RASGRP4: variants seen among roughly 807,000 people sequenced by gnomAD.
The protein encoded by RASGRP4 is RAS guanyl-releasing protein 4.
A neutral mutation model predicts 84.4 loss-of-function variants in RASGRP4; 52 were observed. The observed-to-expected ratio is 0.62, with a 90% CI of 0.49 to 0.78. The LOEUF (loss-of-function observed/expected upper bound fraction) is 0.78. Ranked by LOEUF, RASGRP4 falls within the 30% of genes least tolerant of loss-of-function variation. The pLI is 0.00. For missense variants in RASGRP4, 760 were observed against 886.9 expected (o/e 0.86, Z 1.82); for synonymous variants, 356 against 359.1 (o/e 0.99, Z 0.10).
chr19:38,426,117 G>C lies in RASGRP4; in HGVS notation c.-26C>G. 7.6e-7 allele frequency: 1 copy of C among 1,319,316 alleles called. No individual in the cohort carries two copies. Among genetic ancestry groups the C allele is most frequent in the Middle Eastern group, 2.0e-4 (1 of 4,952 alleles). The allele number at this position is 1,319,316 out of a possible 1,614,324, so 81.7% of individuals were successfully genotyped here. A position where few individuals can be genotyped will look rare whatever the true frequency, so the allele number is the denominator to read the frequency against. ...GCTTCCCGCGTGGGGTGAGGAGGCC[G>C]GGGGTCTTGCAAGAGTAGGGCTCAG... On this transcript the variant is annotated 5_prime_UTR_variant, in exon 1 of 17. Coordinates refer to ENST00000615439, the MANE Select transcript of RASGRP4 (RefSeq NM_170604.3).
chr19:38,416,172 AT>A (rs1313387682), intron 8 of RASGRP4, among the ~76,000 whole-genome samples: 2 of 148,772 alleles, frequency 1.3e-5, no homozygotes, highest in Admixed American at 6.7e-5. Flanking sequence ...TTATTTTTAA[AT>A]TTTTTTTCAG....
chr19:38,422,321 T>A (rs918455413), intron 1 of RASGRP4, among the ~76,000 whole-genome samples, 168 bp from the exon 2 acceptor site: 1 of 152,182 alleles, frequency 6.6e-6, no homozygotes, highest in Non-Finnish European at 1.5e-5. Flanking sequence ...CCCAGGAATA[T>A]TCCAGATCCC....
At chr19:38,414,214 T>C (rs908223883) in intron 9 of RASGRP4, among the ~76,000 whole-genome samples, 32 of 152,168 alleles carry the variant, frequency 2.1e-4, no homozygotes, top group African/African-American at 7.7e-4. Flanking sequence ...CATGAGCCAC[T>C]GCGCCCGGCT....
At chr19:38,425,423 A>T (rs1377576166) in intron 1 of RASGRP4, among the ~76,000 whole-genome samples, 1 of 152,180 alleles carries the variant, frequency 6.6e-6, no homozygotes, top group Admixed American at 6.5e-5. Flanking sequence ...ACAGCTAGGA[A>T]ATTAGGCAGC....
intron 1 of RASGRP4, among the ~76,000 whole-genome samples, chr19:38,425,111 GGAGGCA>G (rs1328478510): frequency 6.6e-6 from 1 of 151,844 alleles, no homozygotes; most frequent in East Asian, 1.9e-4. Flanking sequence ...CTTGAACCCG[GGAGGCA>G]GAGGTTGCAG....
chr19:38,423,144 G>A (rs1430038735), intron 1 of RASGRP4, among the ~76,000 whole-genome samples: 3 of 152,118 alleles, frequency 2.0e-5, no homozygotes, highest in Non-Finnish European at 2.9e-5. Flanking sequence ...CAGAGGCATG[G>A]GAGGACCTGC....
chr19:38,415,440 T>A (rs946385505), intron 8 of RASGRP4, among the ~76,000 whole-genome samples: 1 of 150,302 alleles, frequency 6.7e-6, no homozygotes, highest in African/African-American at 2.5e-5. Flanking sequence ...TGGCGTGATC[T>A]CGGCTTACTG....
chr19:38,415,167 C>G (rs1267754519), intron 8 of RASGRP4, 44 bp from the exon 9 acceptor site: 1 of 1,514,800 alleles, frequency 6.6e-7, no homozygotes. Flanking sequence ...CAGGACAGTC[C>G]CATCCCCTGA....
At chr19:38,420,377 T>G (rs1452570333) in intron 4 of RASGRP4, 115 bp from the exon 5 acceptor site, 19 of 1,028,644 alleles carry the variant, frequency 1.8e-5, no homozygotes, top group East Asian at 7.2e-5. Flanking sequence ...TAAATGTGTG[T>G]GGGGGTCCCT....
rs201088850 is a variant in RASGRP4, at chr19:38,413,019, G to A, written c.1447C>T (p.Arg483Ter). Reference protein sequence around the residue: ...SVFKNYDPEGRGTISQEDFER... With the variant: ...SVFKNYDPEG ...AAGTCCTCCTGAGAGATTGTTCCTC[G>A]GCCTTCAGGGTCATAATTCTTGAAC... Residue 483 changes from arginine (R) to a stop codon, truncating the protein, a stop_gained, in exon 12 of 17, where the codon CGA becomes TGA. Transcript: ENST00000615439. LOFTEE classifies it high-confidence loss of function. This position sits in a 1 kb window ranked among gnomAD's most constrained non-coding sequence, Gnocchi z 4.7. 2.4e-5 allele frequency: 39 copies of A among 1,613,846 alleles called. No individual in the cohort carries two copies. Among genetic ancestry groups the A allele is most frequent in the Non-Finnish European group, 3.3e-5 (39 of 1,179,878 alleles).
chr19:38,417,033 G>A lies in RASGRP4; in HGVS notation c.954+19C>T. On this transcript the variant is annotated intron_variant, in intron 8 of 16. Coordinates refer to ENST00000615439, the MANE Select transcript of RASGRP4 (RefSeq NM_170604.3). The surrounding 1 kb of genome is among the most constrained non-coding windows in gnomAD (Gnocchi z 5.1). ...GACAGCTGACCACTTGGAGCTTTGGGGAGGGTAGTGGGATTCACCTTGGTG... is the reference window on the plus strand; with the variant it reads ...GACAGCTGACCACTTGGAGCTTTGGAGAGGGTAGTGGGATTCACCTTGGTG... 3 of 1,412,520 alleles carry A rather than the reference G, an allele frequency of 2.1e-6. No individual in the cohort carries two copies. The highest frequency in any genetic ancestry group is 2.5e-5 in the East Asian group (1 of 40,306). The allele number at this position is 1,412,520 out of a possible 1,614,324, so 87.5% of individuals were successfully genotyped here. A position where few individuals can be genotyped will look rare whatever the true frequency, so the allele number is the denominator to read the frequency against.
In RASGRP4 at chr19:38,410,968, G is replaced by C. The variant is rs755325515; in HGVS notation, c.1883C>G (p.Ser628Cys). The C allele has an allele frequency of 2.5e-6, 4 of 1,602,226 alleles. No homozygotes were observed. Among genetic ancestry groups the C allele is most frequent in the Non-Finnish European group, 3.4e-6 (4 of 1,174,544 alleles). Residue 628 changes from serine (S) to cysteine (C), a missense_variant, in exon 16 of 17, where the codon TCC becomes TGC. Ser to Cys is a moderately radical substitution (Grantham distance 112, BLOSUM62 -1). Coordinates refer to ENST00000615439, the MANE Select transcript of RASGRP4 (RefSeq NM_170604.3). ...GSEENHSYTL[S>C]LEPETGCQLR... ...CTGGCACCCAGTCTCAGGCTCCAGG[G>C]ATAGCGTGTAGGAGTGATTTTCCTC...
chr19:38,419,526 G>T (rs1403868608), intron 6 of RASGRP4, among the ~76,000 whole-genome samples: 1 of 152,138 alleles, frequency 6.6e-6, no homozygotes, highest in African/African-American at 2.4e-5. Context: ...TCCGCCTCCT[G>T]AGGTTCAAGT....
intron 1 of RASGRP4, among the ~76,000 whole-genome samples, chr19:38,425,688 C>A (rs970357930): frequency 6.6e-6 from 1 of 152,174 alleles, no homozygotes; most frequent in South Asian, 2.1e-4. Context: ...AGGGGAGTCG[C>A]CTTGCCCTGT....
In RASGRP4 at chr19:38,419,916, C is replaced by G. The variant is rs748156494; in HGVS notation, c.607G>C (p.Gly203Arg). The stretch of plus-strand genomic sequence containing the variant: ...TAGGTGAGGTGCTGAGCCAGCTCCC[C>G]CGTCTCCAAGTGGTCGAAAAGCAAG... ...VSLLFDHLETGELAQHLTYLE... is the reference protein window; with the variant it reads ...VSLLFDHLETRELAQHLTYLE... The change falls in exon 6 of 17, where the codon GGG becomes CGG. Residue 203 changes from glycine (G) to arginine (R), a missense_variant. By Grantham distance (125) the Gly-to-Arg change is moderately radical. Coordinates refer to ENST00000615439, the MANE Select transcript of RASGRP4 (RefSeq NM_170604.3). The G allele has an allele frequency of 1.2e-6, 2 of 1,612,298 alleles. No individual in the cohort carries two copies. The highest frequency in any genetic ancestry group is 1.7e-6 in the Non-Finnish European group (2 of 1,179,186).
intron 13 of RASGRP4, 191 bp from the exon 14 acceptor site, chr19:38,411,572 G>A (rs561722599): frequency 1.8e-5 from 11 of 608,094 alleles, no homozygotes; most frequent in African/African-American, 3.7e-5. Context: ...ACTTTGAGAC[G>A]CCAAGGTGGG....
chr19:38,416,801 C>T (rs1971520392), intron 8 of RASGRP4, among the ~76,000 whole-genome samples: 2 of 152,176 alleles, frequency 1.3e-5, no homozygotes, highest in Admixed American at 1.3e-4. Flanking sequence ...GCTAGCCTGT[C>T]TCCCATCTGT....
chr19:38,409,945 G>T lies in RASGRP4; in HGVS notation c.*95C>A. ...TGTGGATGGGAAGGCGGATGCCTCT[G>T]GAGGCCTACCTCTGGGAGCCCTGCC... On this transcript the variant is annotated 3_prime_UTR_variant, in exon 17 of 17. Transcript: ENST00000615439. The T allele has an allele frequency of 1.1e-6, 1 of 943,508 alleles. No individual in the cohort carries two copies. Among genetic ancestry groups the T allele is most frequent in the Non-Finnish European group, 1.6e-6 (1 of 613,562 alleles). 58.4% of individuals were successfully genotyped at this position (943,508 alleles called of 1,614,324 possible). A position where few individuals can be genotyped will look rare whatever the true frequency, so the allele number is the denominator to read the frequency against.
chr19:38,420,066 G>A (rs117166725), intron 5 of RASGRP4, 53 bp from the exon 6 acceptor site: 48,268 of 1,608,676 alleles, frequency 0.03, 1,031 homozygotes, highest in Non-Finnish European at 0.031. Context: ...GAGGGCTTGG[G>A]GATATAGAGG....
Sources: allele counts gnomAD v4.1 joint callset (sites outside exome capture counted in the v4.1 genomes callset), GRCh38; gene constraint gnomAD v4.1.1; non-coding constraint Gnocchi (gnomAD v3.1); transcripts MANE v1.5; gene names NCBI Gene and HGNC (gene_info 2026-07-23, HGNC 2026-07-21).